The following PRICKLE1 variants were observed in gnomAD, a reference collection of about 807,000 sequenced individuals.
The protein encoded by PRICKLE1 is prickle planar cell polarity protein 1.
In PRICKLE1, 14 loss-of-function variants were observed where a neutral mutation model predicts 70.2. The observed-to-expected ratio is 0.20, with a 90% CI of 0.13 to 0.31. The LOEUF (loss-of-function observed/expected upper bound fraction) is 0.31. Ranked by LOEUF, PRICKLE1 falls within the 10% of genes least tolerant of loss-of-function variation. The pLI is 1.00. For missense variants in PRICKLE1, 821 were observed against 1,026.2 expected (o/e 0.80, Z 2.73); for synonymous variants, 357 against 379.9 (o/e 0.94, Z 0.70).
chr12:42,533,952 T>C lies in PRICKLE1; in HGVS notation c.-49+55513A>G, dbSNP rs564381138. ...CCCCCATCACTAGCTCTGCACTGTC[T>C]AGCTATTCTGACATTCCTCATTGTA... On this transcript the variant is annotated intron_variant, in intron 1 of 7. Coordinates refer to ENST00000345127, the MANE Select transcript of PRICKLE1 (RefSeq NM_153026.3). Among the ~76,000 whole-genome samples, 16 of 152,288 alleles carry C rather than the reference T, an allele frequency of 1.1e-4. No individual in the cohort carries two copies. The East Asian group carries it at 3.1e-3, about 29-fold the overall frequency.
At chr12:42,522,028 T>G (rs1194392564) in intron 1 of PRICKLE1, among the ~76,000 whole-genome samples, 1 of 150,326 alleles carries the variant, frequency 6.7e-6, no homozygotes, top group Non-Finnish European at 1.5e-5. Context: ...CAGGCTAGAG[T>G]GCAGTGGCAC....
chr12:42,558,507 G>A (rs1271378791), intron 1 of PRICKLE1, among the ~76,000 whole-genome samples: 6 of 152,188 alleles, frequency 3.9e-5, no homozygotes, highest in African/African-American at 1.2e-4. Flanking sequence ...GGAAAATTCC[G>A]ATGCTGTTGT....
At chr12:42,526,106 A>G (rs565668361) in intron 1 of PRICKLE1, among the ~76,000 whole-genome samples, 71 of 152,368 alleles carry the variant, frequency 4.7e-4, no homozygotes, top group African/African-American at 1.5e-3. Flanking sequence ...AAGTGGCTGT[A>G]TCTTAATGAA....
intron 1 of PRICKLE1, among the ~76,000 whole-genome samples, chr12:42,567,796 C>CAAAA (rs34315516): frequency 8.4e-6 from 1 of 118,434 alleles, no homozygotes; most frequent in Non-Finnish European, 1.7e-5. Context: ...CACTTCATCT[C>CAAAA]AAAAAAAAAA....
At chr12:42,574,782 A>G (rs1326944382) in intron 1 of PRICKLE1, among the ~76,000 whole-genome samples, 5 of 152,214 alleles carry the variant, frequency 3.3e-5, no homozygotes, top group African/African-American at 4.8e-5. Context: ...GTTTTCTTCA[A>G]CTGAATCATA....
chr12:42,467,034 T>C (rs553975323), intron 5 of PRICKLE1, among the ~76,000 whole-genome samples: 25 of 152,312 alleles, frequency 1.6e-4, no homozygotes, highest in African/African-American at 5.1e-4. Context: ...ACAACCACCA[T>C]GCCCAGCTAA....
At chr12:42,505,815 C>T (rs1308001402) in intron 1 of PRICKLE1, among the ~76,000 whole-genome samples, 1 of 152,156 alleles carries the variant, frequency 6.6e-6, no homozygotes, top group Non-Finnish European at 1.5e-5. Context: ...TGGAAAGCCT[C>T]TTAAACTACA....
chr12:42,500,664 C>CTTTTT (rs11448078), intron 1 of PRICKLE1, among the ~76,000 whole-genome samples: 18,167 of 142,586 alleles, frequency 0.13, 1,488 homozygotes, highest in African/African-American at 0.23. Flanking sequence ...CATTAATTTT[C>CTTTTT]TTTTTTTTTT....
intron 1 of PRICKLE1, among the ~76,000 whole-genome samples, chr12:42,475,353 G>A (rs1343345501): frequency 6.6e-6 from 1 of 152,186 alleles, no homozygotes; most frequent in East Asian, 1.9e-4. Flanking sequence ...TTTAATCACT[G>A]CATCAAGCAA....
chr12:42,502,248 C>T (rs3928509), intron 1 of PRICKLE1, among the ~76,000 whole-genome samples: 61,133 of 149,464 alleles, frequency 0.41, 15,351 homozygotes, highest in African/African-American at 0.72. Context: ...TATATATATA[C>T]ACACCTATAT....
chr12:42,505,232 A>G (rs1399304778), intron 1 of PRICKLE1, among the ~76,000 whole-genome samples: 1 of 152,220 alleles, frequency 6.6e-6, no homozygotes, highest in African/African-American at 2.4e-5. Context: ...CCCCTTGGCC[A>G]TGTATCTGTG....
chr12:42,521,216 T>G (rs1464314059), intron 1 of PRICKLE1, among the ~76,000 whole-genome samples: 2 of 151,798 alleles, frequency 1.3e-5, no homozygotes, highest in East Asian at 3.9e-4. Context: ...TACCTTAGAG[T>G]CTCTGTAGGC....
At chr12:42,489,781 ACT>A (rs1939062228) in intron 1 of PRICKLE1, 1 of 151,554 alleles carries the variant, frequency 6.6e-6, no homozygotes, top group African/African-American at 2.4e-5. Context: ...TCAAGAGTGG[ACT>A]CTCTGCTGCA....
In PRICKLE1 at chr12:42,460,178, A is replaced by G. The variant is rs1057521749; in HGVS notation, c.2127T>C (p.Tyr709=). ...CACTTTTATTCTGTATAAATTTCTC[A>G]TAGTTATCGGGGGTGTACAGCCGCA... The part of the protein sequence containing the change: ...DRLRLYTPDN[Y]EKFIQNKSAR... The change falls in exon 8 of 8, where the codon TAT becomes TAC. Residue 709 remains tyrosine, a synonymous_variant. Coordinates refer to ENST00000345127, the MANE Select transcript of PRICKLE1 (RefSeq NM_153026.3). The G allele has an allele frequency of 6.2e-7, 1 of 1,613,676 alleles. No individual in the cohort carries two copies. Among genetic ancestry groups the G allele is most frequent in the Non-Finnish European group, 8.5e-7 (1 of 1,179,716 alleles).
intron 1 of PRICKLE1, among the ~76,000 whole-genome samples, chr12:42,563,779 T>C (rs1940570963): frequency 6.6e-6 from 1 of 150,450 alleles, no homozygotes; most frequent in African/African-American, 2.4e-5. Flanking sequence ...TCCTGATCAA[T>C]TGTTTAATAT....
intron 1 of PRICKLE1, among the ~76,000 whole-genome samples, chr12:42,546,518 C>T (rs1940215555): frequency 6.6e-6 from 1 of 152,126 alleles, no homozygotes; most frequent in Non-Finnish European, 1.5e-5. Context: ...TTTTGGGAGG[C>T]TGAGGTGGGA....
chr12:42,518,215 T>A (rs1939643085), intron 1 of PRICKLE1, among the ~76,000 whole-genome samples: 1 of 152,046 alleles, frequency 6.6e-6, no homozygotes, highest in Non-Finnish European at 1.5e-5. Context: ...AGCTGATTTT[T>A]AAAATTTTTG....
chr12:42,517,306 A>ATT (rs71794718), intron 1 of PRICKLE1, among the ~76,000 whole-genome samples: 30,869 of 88,586 alleles, frequency 0.35, 8,712 homozygotes, highest in East Asian at 0.54. Flanking sequence ...TCAGTCTGCC[A>ATT]TTTTTTTTTT....
intron 1 of PRICKLE1, among the ~76,000 whole-genome samples, chr12:42,539,884 G>T (rs575873102): frequency 3.4e-4 from 51 of 152,210 alleles, no homozygotes; most frequent in African/African-American, 1.1e-3. Context: ...GGACTTCAGA[G>T]AAAGTTAAAG....
Sources: allele counts gnomAD v4.1 joint callset (sites outside exome capture counted in the v4.1 genomes callset), GRCh38; gene constraint gnomAD v4.1.1; transcripts MANE v1.5; gene names NCBI Gene and HGNC (gene_info 2026-07-23, HGNC 2026-07-21).